The following DGKD variants were observed in gnomAD, a reference collection of about 807,000 sequenced individuals.
The protein encoded by DGKD is diacylglycerol kinase delta.
A neutral mutation model predicts 154.4 loss-of-function variants in DGKD; 68 were observed. The observed-to-expected ratio is 0.44, with a 90% CI of 0.36 to 0.54. The LOEUF (loss-of-function observed/expected upper bound fraction) is 0.54. DGKD is among the 20% of genes least tolerant of loss of function. The pLI, the probability that DGKD is intolerant of heterozygous loss-of-function variation, is 0.00. For missense variants in DGKD, 1,343 were observed against 1,593.6 expected, an observed-to-expected ratio of 0.84 and a Z score of 2.68; for synonymous variants, 693 against 638.0, an observed-to-expected ratio of 1.09 and a Z score of -1.30.
At chr2:233,436,504 G>A in intron 7 of DGKD, 63 bp downstream of exon 7, 5 of 1,562,500 alleles carry the variant, frequency 3.2e-6, no homozygotes, top group Non-Finnish European at 3.5e-6. Context: ...GCCCATGCGG[G>A]CCTTGCGGCT....
intron 6 of DGKD, 81 bp from the exon 7 acceptor site, chr2:233,436,235 A>C: frequency 6.3e-7 from 1 of 1,591,048 alleles, no homozygotes; most frequent in Non-Finnish European, 8.6e-7. Flanking sequence ...GCCTTGGCTG[A>C]GTTCACAACG....
chr2:233,414,529 G>T (rs1384916138), intron 3 of DGKD, among the ~76,000 whole-genome samples: 1 of 152,208 alleles, frequency 6.6e-6, no homozygotes, highest in African/African-American at 2.4e-5. Flanking sequence ...GCATGCCTTG[G>T]ATGAGGTGAC....
At chr2:233,464,401 C>T in intron 27 of DGKD, 118 bp downstream of exon 27, 1 of 1,287,002 alleles carries the variant, frequency 7.8e-7, no homozygotes, top group South Asian at 1.4e-5. Context: ...CTCCGGCAGC[C>T]CCTGAGGGGC....
intron 19 of DGKD, among the ~76,000 whole-genome samples, chr2:233,455,351 A>G (rs2063427011): frequency 6.6e-6 from 1 of 152,222 alleles, no homozygotes; most frequent in South Asian, 2.1e-4. Flanking sequence ...AAGGGGCATC[A>G]CTGGGGGTTT....
chr2:233,409,890 G>T (rs2061784029), intron 3 of DGKD, among the ~76,000 whole-genome samples: 1 of 149,454 alleles, frequency 6.7e-6, no homozygotes. Flanking sequence ...GACTGGGTCT[G>T]GTGTAGAATG....
rs143432193 is a variant in DGKD, at chr2:233,441,923, T to C, written c.1122T>C (p.Ile374=). Residue 374 remains isoleucine (I), a synonymous_variant, in exon 10 of 30, where the codon ATT becomes ATC. Transcript: ENST00000264057. The surrounding 1 kb of genome is among the most constrained non-coding windows in gnomAD (Gnocchi z 5.6). The part of the protein sequence containing the change: ...RLFQKFDTFR[I]LVCGGDGSVG... ...TCCAGAAGTTTGACACATTCCGGAT[T>C]CTGGTTTGTGGCGGGGATGGAAGTG... The C allele has an allele frequency of 5.0e-6, 8 of 1,614,052 alleles. 1 individual carries two copies. The highest frequency in any genetic ancestry group is 5.1e-6 in the Non-Finnish European group (6 of 1,180,014).
Position 233,438,437 on chromosome 2 carries a change from G to A in DGKD, c.1085+58G>A, listed in dbSNP as rs2062770746. The A allele has an allele frequency of 1.3e-6, 2 of 1,498,890 alleles. No individual in the cohort carries two copies. Among genetic ancestry groups the A allele is most frequent in the Admixed American group, 2.3e-5 (1 of 44,418 alleles). 92.8% of individuals were successfully genotyped at this position (1,498,890 alleles called of 1,614,324 possible). On this transcript the variant is annotated intron_variant, in intron 9 of 29. Transcript: ENST00000264057. This position sits in a 1 kb window ranked among gnomAD's most constrained non-coding sequence, Gnocchi z 4.1. ...GTTTTAAAAATTGTGTAGATAGTGT[G>A]TGCTTGTTAAAAAAAAAAAGTTCAA...
intron 1 of DGKD, among the ~76,000 whole-genome samples, chr2:233,360,587 C>T (rs994734815): frequency 6.6e-6 from 1 of 151,708 alleles, no homozygotes; most frequent in South Asian, 2.1e-4. Context: ...TAGGGTCTTG[C>T]TATATTCCCC....
intron 1 of DGKD, among the ~76,000 whole-genome samples, chr2:233,378,107 AT>A (rs869218829): frequency 1.5e-4 from 21 of 139,216 alleles, no homozygotes; most frequent in Admixed American, 2.8e-4. Context: ...ACGCCCAGCT[AT>A]TTTTTTTTTT....
chr2:233,361,578 G>A (rs368606420), intron 1 of DGKD, among the ~76,000 whole-genome samples: 14 of 152,208 alleles, frequency 9.2e-5, no homozygotes, highest in Non-Finnish European at 2.9e-5. Flanking sequence ...AACTGTGCTC[G>A]TTGTGTTGGA....
chr2:233,456,899 G>A lies in DGKD; in HGVS notation c.2376G>A (p.Arg792=). 6.2e-7 allele frequency: 1 copy of A among 1,613,570 alleles called. No individual in the cohort carries two copies. Among genetic ancestry groups the A allele is most frequent in the Non-Finnish European group, 8.5e-7 (1 of 1,179,528 alleles). Reference sequence around the variant, plus strand: ...GGCAAGTCTTTGCTTCTGTTTCTAGGAGCCGAACCAAGAACATGATGTGGT... The same window carrying A: ...GGCAAGTCTTTGCTTCTGTTTCTAGAAGCCGAACCAAGAACATGATGTGGT... The part of the protein sequence containing the change: ...NKRDEHPEKC[R]SRTKNMMWYG... Residue 792 remains arginine (R), a splice_region_variant and synonymous_variant, in exon 20 of 30, where the codon AGG becomes AGA. Transcript: ENST00000264057.
chr2:233,420,538 G>C (rs1311065881), intron 3 of DGKD, among the ~76,000 whole-genome samples: 2 of 152,130 alleles, frequency 1.3e-5, no homozygotes, highest in African/African-American at 2.4e-5. Flanking sequence ...ATACTTTTTT[G>C]ATAAGTGTGT....
chr2:233,456,661 G>A (rs916294704), intron 19 of DGKD, among the ~76,000 whole-genome samples: 1 of 152,088 alleles, frequency 6.6e-6, no homozygotes. Context: ...ACCTTTCAGG[G>A]TATGATTACT....
intron 3 of DGKD, among the ~76,000 whole-genome samples, chr2:233,410,177 T>C (rs904554338): frequency 6.6e-6 from 1 of 152,006 alleles, no homozygotes; most frequent in Non-Finnish European, 1.5e-5. Flanking sequence ...AGAGGGTGGG[T>C]CAAGATAATT....
At position 233,449,843 on chromosome 2, in the gene DGKD, T is replaced by G; in HGVS notation, c.1889-139T>G. ...GGGGGAAGATGGGTGGGGGTGGGGT[T>G]TCGGAGTCCAAGCCTTTAGCCAGAG... is the stretch of plus-strand genomic sequence containing the variant. On this transcript the variant is annotated intron_variant, in intron 15 of 29. Transcript: ENST00000264057. The surrounding 1 kb of genome is among the most constrained non-coding windows in gnomAD (Gnocchi z 5.3). 4.8e-6 allele frequency: 5 copies of G among 1,042,984 alleles called. No individual in the cohort carries two copies. The highest frequency in any genetic ancestry group is 6.6e-6 in the Non-Finnish European group (5 of 754,918). 64.6% of individuals were successfully genotyped at this position (1,042,984 alleles called of 1,614,324 possible).
rs558640370 is a variant in DGKD, at chr2:233,468,927, G to A, written c.3555+374G>A. On this transcript the variant is annotated intron_variant, in intron 29 of 29. Transcript: ENST00000264057. ...GTCTGCAGGGAGCATTGGGAGGGGT[G>A]GTTGGGTGCCAGGCCTCGGTCTATG... 2.0e-5 allele frequency among the ~76,000 whole-genome samples: 3 copies of A among 152,354 alleles called. No individual in the cohort carries two copies. The East Asian group carries it at 5.8e-4, about 29-fold the overall frequency.
intron 12 of DGKD, chr2:233,447,453 T>C: frequency 1.0e-6 from 1 of 984,058 alleles, no homozygotes; most frequent in Non-Finnish European, 1.2e-6. Flanking sequence ...GCAGGCCAGA[T>C]GTGCCTGGGC....
At chr2:233,378,388 G>A (rs1215322201) in intron 1 of DGKD, among the ~76,000 whole-genome samples, 3 of 150,950 alleles carry the variant, frequency 2.0e-5, no homozygotes, top group Admixed American at 2.0e-4. Flanking sequence ...CTCCAGCCTG[G>A]GCGATAGAGT....
At chr2:233,399,900 G>T (rs1047078677) in intron 3 of DGKD, among the ~76,000 whole-genome samples, 2 of 152,148 alleles carry the variant, frequency 1.3e-5, no homozygotes, top group Non-Finnish European at 2.9e-5. Context: ...CAGGGTCCAT[G>T]CTTCTGCTGT....
Sources: gnomAD v4.1 joint callset for allele counts (sites outside exome capture counted in the v4.1 genomes callset) on GRCh38, gnomAD v4.1.1 for gene constraint, Gnocchi (gnomAD v3.1) non-coding constraint, MANE v1.5 for transcripts, NCBI Gene and HGNC (gene_info 2026-07-23, HGNC 2026-07-21) for gene names.